The following PCSK2 variants were observed in gnomAD, a reference collection of about 807,000 sequenced individuals.
The protein encoded by PCSK2 is neuroendocrine convertase 2.
Under a neutral mutation model 69.7 loss-of-function variants are expected in PCSK2, and 14 were observed. The ratio of observed to expected loss-of-function variants is 0.20; its 90% CI spans 0.13 to 0.31. PCSK2 has a LOEUF of 0.31. PCSK2 is among the 10% of genes least tolerant of loss of function. The probability of loss-of-function intolerance (pLI) is 1.00; values close to 1 mark genes in which losing one functional copy is unlikely to be tolerated. For synonymous variants in PCSK2, 307 were observed against 320.7 expected (o/e 0.96, Z 0.46); for missense variants, 544 against 842.5 (o/e 0.65, Z 4.39).
chr20:17,462,748 C>A (rs769034307), intron 10 of PCSK2, among the ~76,000 whole-genome samples: 1 of 152,186 alleles, frequency 6.6e-6, no homozygotes, highest in African/African-American at 2.4e-5. Flanking sequence ...CTTATTTTCC[C>A]GACTCATATA....
rs539539564 is a variant in PCSK2, at chr20:17,248,365, G to A, written c.178-11875G>A. Among the ~76,000 whole-genome samples, 56 of 152,268 alleles carry A rather than the reference G, an allele frequency of 3.7e-4. 1 individual carries two copies. Among genetic ancestry groups the A allele is most frequent in the African/African-American group, 1.3e-3 (56 of 41,550 alleles). ...ATTTGCAGTCTACTTAAGAATCTCA[G>A]GAATGCATCGATCAGCCTTACATCC... On this transcript the variant is annotated intron_variant, in intron 1 of 11. Coordinates refer to ENST00000262545, the MANE Select transcript of PCSK2 (RefSeq NM_002594.5).
At chr20:17,293,451 C>T (rs557071791) in intron 2 of PCSK2, among the ~76,000 whole-genome samples, 156 of 152,264 alleles carry the variant, frequency 1.0e-3, no homozygotes, top group Admixed American at 2.4e-3. Flanking sequence ...TGTCCTTTGG[C>T]TTCTAACAAA....
rs149640591 is a variant in PCSK2 at position 17,248,584 on chromosome 20, C to G, written c.178-11656C>G. Among the ~76,000 whole-genome samples the G allele has an allele frequency of 7.1e-4, 108 of 152,298 alleles. 1 individual carries two copies. The highest frequency in any genetic ancestry group is 2.5e-3 in the African/African-American group (105 of 41,564). Reference sequence around the variant, plus strand: ...AAAAGGCCCAGAAAAATAACCAATGCCTACAGGTTAGTCTTTTGTTAGGTT... The same window carrying G: ...AAAAGGCCCAGAAAAATAACCAATGGCTACAGGTTAGTCTTTTGTTAGGTT... On this transcript the variant is annotated intron_variant, in intron 1 of 11. Coordinates refer to ENST00000262545, the MANE Select transcript of PCSK2 (RefSeq NM_002594.5).
chr20:17,353,114 A>G (rs549857315), intron 2 of PCSK2, among the ~76,000 whole-genome samples: 1 of 152,354 alleles, frequency 6.6e-6, no homozygotes, highest in East Asian at 1.9e-4. Flanking sequence ...GCAGAAAAGC[A>G]AATCAAAAAC....
rs763060959 is a variant in PCSK2 at position 17,436,843 on chromosome 20, G to A, written c.845G>A (p.Arg282Gln). The part of the protein sequence containing the change: ...TDNGKTVDGP[R>Q]ELTLQAMADG... ...AACGGCAAGACAGTGGATGGGCCCC[G>A]GGAGCTCACGCTGCAGGCCATGGCC... Residue 282 changes from arginine (R) to glutamine (Q), a missense_variant, in exon 8 of 12, where the codon CGG (arginine) becomes CAG (glutamine). This residue lies in a region of PCSK2 where 187 missense variants were observed against 399.8 expected (regional missense o/e 0.47). Transcript: ENST00000262545. 4.3e-6 allele frequency: 7 copies of A among 1,613,678 alleles called. No individual in the cohort carries two copies. The highest frequency in any genetic ancestry group is 5.9e-6 in the Non-Finnish European group (7 of 1,179,938).
chr20:17,289,512 T>C (rs1988625095), intron 2 of PCSK2, among the ~76,000 whole-genome samples: 1 of 152,218 alleles, frequency 6.6e-6, no homozygotes, highest in East Asian at 1.9e-4. Context: ...ATATAGTTTA[T>C]TAATTTTTAA....
In PCSK2 at chr20:17,249,786, C is replaced by T. The variant is rs372529703; in HGVS notation, c.178-10454C>T. The stretch of plus-strand genomic sequence containing the variant: ...ATGATTCCACTTATATAACCTAATT[C>T]GAGAAATCAAATTCATAAAGACAGA... On this transcript the variant is annotated intron_variant, in intron 1 of 11. Coordinates refer to ENST00000262545, the MANE Select transcript of PCSK2 (RefSeq NM_002594.5). Among the ~76,000 whole-genome samples the T allele has an allele frequency of 8.1e-4, 123 of 152,068 alleles. 1 individual carries two copies. Among genetic ancestry groups the T allele is most frequent in the African/African-American group, 1.4e-4 (6 of 41,478 alleles).
intron 2 of PCSK2, among the ~76,000 whole-genome samples, chr20:17,336,416 T>A (rs1990352411): frequency 6.6e-6 from 1 of 152,204 alleles, no homozygotes; most frequent in South Asian, 2.1e-4. Flanking sequence ...GATGCATTGA[T>A]CTCCTGCTTT....
At chr20:17,286,357 G>A (rs79230387) in intron 2 of PCSK2, among the ~76,000 whole-genome samples, 238 of 152,316 alleles carry the variant, frequency 1.6e-3, no homozygotes, top group African/African-American at 5.5e-3. Flanking sequence ...AATGTTAAAC[G>A]AAAGAGTTTC....
intron 5 of PCSK2, among the ~76,000 whole-genome samples, chr20:17,389,497 G>A (rs2123268248): frequency 6.6e-6 from 1 of 152,130 alleles, no homozygotes; most frequent in Admixed American, 6.5e-5. Flanking sequence ...TGAACCTGAA[G>A]AAACAGATGC....
intron 2 of PCSK2, among the ~76,000 whole-genome samples, chr20:17,290,213 C>A (rs1988652179): frequency 6.6e-6 from 1 of 152,182 alleles, no homozygotes; most frequent in South Asian, 2.1e-4. Context: ...CAGCATCTAT[C>A]ACAGATCACT....
At chr20:17,413,240 T>A (rs556329456) in intron 6 of PCSK2, among the ~76,000 whole-genome samples, 47 of 152,114 alleles carry the variant, frequency 3.1e-4, no homozygotes, top group South Asian at 2.5e-3. Flanking sequence ...GACAGGCAAA[T>A]TGGATAAAGA....
chr20:17,345,809 A>T (rs1197772176), intron 2 of PCSK2, among the ~76,000 whole-genome samples: 1 of 152,120 alleles, frequency 6.6e-6, no homozygotes, highest in Non-Finnish European at 1.5e-5. Flanking sequence ...CAAATCAAGA[A>T]TACTCTCCAC....
chr20:17,228,019 C>G (rs1230304083), intron 1 of PCSK2: 1 of 152,386 alleles, frequency 6.6e-6, no homozygotes, highest in Non-Finnish European at 1.5e-5. Context: ...ACAACGGCTT[C>G]CTGACTCTAG....
At chr20:17,288,954 C>T (rs934382607) in intron 2 of PCSK2, among the ~76,000 whole-genome samples, 4 of 152,102 alleles carry the variant, frequency 2.6e-5, no homozygotes, top group Admixed American at 1.3e-4. Context: ...AAAGGCTATC[C>T]GCAAAGGAAA....
At chr20:17,392,642 C>A (rs1387790043) in intron 5 of PCSK2, among the ~76,000 whole-genome samples, 2 of 152,138 alleles carry the variant, frequency 1.3e-5, no homozygotes, top group African/African-American at 2.4e-5. Flanking sequence ...TTTATTCCTA[C>A]AGTTTTGTCT....
intron 2 of PCSK2, among the ~76,000 whole-genome samples, chr20:17,348,103 G>GAATGAAAGAAAGAA (rs2029876997): frequency 1.4e-5 from 2 of 143,090 alleles, no homozygotes; most frequent in Non-Finnish European, 3.1e-5. Flanking sequence ...AAGAAAGAAA[G>GAATGAAAGAAAGAA]AAAAGAAAAG....
In PCSK2 at chr20:17,299,467, C is replaced by T. The variant is rs372284829; in HGVS notation, c.282+39123C>T. ...CCTTCATTACAATTACTTTTAACAA[C>T]CATATTTTTAATTTTCCTTGCCCAT... On this transcript the variant is annotated intron_variant, in intron 2 of 11. Coordinates refer to ENST00000262545, the MANE Select transcript of PCSK2 (RefSeq NM_002594.5). Among the ~76,000 whole-genome samples the T allele has an allele frequency of 3.4e-4, 52 of 152,098 alleles. No individual in the cohort carries two copies. In the South Asian group the frequency reaches 9.8e-3, roughly 29 times the overall value.
chr20:17,229,057 C>T (rs1207597494), intron 1 of PCSK2, among the ~76,000 whole-genome samples: 2 of 152,072 alleles, frequency 1.3e-5, no homozygotes, highest in Non-Finnish European at 2.9e-5. Flanking sequence ...TGGCAAGACC[C>T]AGGACCCAAA....
Sources: allele counts gnomAD v4.1 joint callset (sites outside exome capture counted in the v4.1 genomes callset), GRCh38; gene constraint gnomAD v4.1.1; regional missense constraint gnomAD v4.1.1; transcripts MANE v1.5; gene names NCBI Gene and HGNC (gene_info 2026-07-23, HGNC 2026-07-21).